The following ANXA13 variants were observed in gnomAD, a reference collection of about 807,000 sequenced individuals.
ANXA13 encodes the protein annexin A13.
Under a neutral mutation model 46.6 loss-of-function variants are expected in ANXA13, and 36 were observed. That is an observed-to-expected ratio of 0.77 (90% CI 0.59 to 1.02). The LOEUF (loss-of-function observed/expected upper bound fraction) is 1.02, where lower values mean the gene tolerates loss of function less well. Among genes scored for constraint, ANXA13 ranks in the 50% least tolerant of loss-of-function variants. The pLI is 0.00. For missense variants in ANXA13, 417 were observed against 396.5 expected (o/e 1.05, Z -0.44); for synonymous variants, 163 against 152.9 (o/e 1.07, Z -0.49).
intron 1 of ANXA13, chr8:123,728,649 T>A (rs1814049184): frequency 6.6e-6 from 1 of 152,178 alleles, no homozygotes; most frequent in Admixed American, 6.5e-5. Flanking sequence ...TGTAGCAGGA[T>A]GCAGTCAACA....
chr8:123,724,140 A>G (rs117294921), intron 1 of ANXA13, among the ~76,000 whole-genome samples: 710 of 152,318 alleles, frequency 4.7e-3, no homozygotes, highest in Non-Finnish European at 7.1e-3. Context: ...AAATTTAACC[A>G]AGGTGTCTGG....
At chr8:123,702,821 A>C in intron 2 of ANXA13, 85 bp from the exon 3 acceptor site, 1 of 1,255,392 alleles carries the variant, frequency 8.0e-7, no homozygotes, top group Non-Finnish European at 1.2e-6. Flanking sequence ...GGAAGCCAGG[A>C]CTCACAGCTT....
At position 123,696,919 on chromosome 8, in the gene ANXA13, A is replaced by T. The variant is rs549978205; in HGVS notation, c.358-1198T>A. On this transcript the variant is annotated intron_variant, in intron 4 of 10. Coordinates refer to ENST00000419625, the MANE Select transcript of ANXA13 (RefSeq NM_004306.4). ...TGAGATTAGAAAAATATATATGAATATATTTTTTGAGACGAAGTCTCGCTC... is the reference window on the plus strand; with the variant it reads ...TGAGATTAGAAAAATATATATGAATTTATTTTTTGAGACGAAGTCTCGCTC... Among the ~76,000 whole-genome samples, 48 of 152,272 alleles carry T rather than the reference A, an allele frequency of 3.2e-4. No homozygotes were observed. In the South Asian group the frequency reaches 4.1e-3, roughly 13 times the overall value.
intron 1 of ANXA13, among the ~76,000 whole-genome samples, chr8:123,730,292 G>A (rs552175119): frequency 2.6e-5 from 4 of 152,270 alleles, no homozygotes; most frequent in East Asian, 3.9e-4. Context: ...CTATGCCTAA[G>A]GCAGCAGTTC....
chr8:123,722,384 AAGAAAG>A (rs1217091797), intron 1 of ANXA13, among the ~76,000 whole-genome samples: 6 of 149,428 alleles, frequency 4.0e-5, no homozygotes, highest in Non-Finnish European at 6.0e-5. Flanking sequence ...GAAAGAAAGA[AAGAAAG>A]AAAGAAAAGC....
At chr8:123,693,879 TTCTC>T (rs1454691052) in intron 6 of ANXA13, 100 bp from the exon 7 acceptor site, 17 of 1,073,462 alleles carry the variant, frequency 1.6e-5, no homozygotes, top group Non-Finnish European at 2.3e-5. Context: ...GGTGAATTCT[TTCTC>T]AGCTCAGCTC....
chr8:123,687,301 C>T (rs1813158117), intron 9 of ANXA13, among the ~76,000 whole-genome samples: 1 of 152,134 alleles, frequency 6.6e-6, no homozygotes, highest in Non-Finnish European at 1.5e-5. Context: ...GTGAGTAGAT[C>T]CTATTATCTA....
At chr8:123,714,181 C>G (rs1188363017) in intron 1 of ANXA13, among the ~76,000 whole-genome samples, 2 of 152,206 alleles carry the variant, frequency 1.3e-5, no homozygotes, top group African/African-American at 4.8e-5. Context: ...TTCCCCTTCC[C>G]CCATTGTGTG....
At chr8:123,735,613 G>T in intron 1 of ANXA13, 1 of 1,106,346 alleles carries the variant, frequency 9.0e-7, no homozygotes, top group Admixed American at 2.8e-5. Context: ...TGCAGGGAAA[G>T]ATTTCCCTGC....
At chr8:123,711,170 C>T (rs144504614) in intron 2 of ANXA13, among the ~76,000 whole-genome samples, 4 of 152,330 alleles carry the variant, frequency 2.6e-5, no homozygotes, top group Admixed American at 2.0e-4. Flanking sequence ...GCCCCATACT[C>T]CATTGTCAAA....
At chr8:123,693,104 C>T (rs761507663) in intron 8 of ANXA13, 93 bp downstream of exon 8, 4 of 1,074,940 alleles carry the variant, frequency 3.7e-6, no homozygotes. Flanking sequence ...TGTAAAGGAT[C>T]CCCAATTCCT....
intron 1 of ANXA13, chr8:123,729,385 C>T (rs1190033115): frequency 1.2e-4 from 18 of 152,206 alleles, no homozygotes; most frequent in Admixed American, 1.2e-3. Context: ...TGTTCAGCCT[C>T]AGGGATGAAT....
At chr8:123,734,895 G>A (rs1225755502) in intron 1 of ANXA13, among the ~76,000 whole-genome samples, 2 of 151,568 alleles carry the variant, frequency 1.3e-5, no homozygotes, top group African/African-American at 2.4e-5. Flanking sequence ...GGCTAATGAT[G>A]AAAGAAGAGT....
intron 1 of ANXA13, among the ~76,000 whole-genome samples, chr8:123,716,690 G>C (rs1406392358): frequency 6.6e-6 from 1 of 152,126 alleles, no homozygotes; most frequent in African/African-American, 2.4e-5. Flanking sequence ...TGGAACGGGT[G>C]TCCTATGGCT....
intron 7 of ANXA13, 118 bp downstream of exon 7, chr8:123,693,593 T>C (rs892973133): frequency 7.9e-5 from 69 of 871,760 alleles, no homozygotes; most frequent in Non-Finnish European, 1.1e-4. Context: ...GATCTAAGCA[T>C]ATCTTTGTTT....
At chr8:123,720,876 C>G (rs368898507) in intron 1 of ANXA13, among the ~76,000 whole-genome samples, 1 of 152,190 alleles carries the variant, frequency 6.6e-6, no homozygotes, top group African/African-American at 2.4e-5. Flanking sequence ...ATTAGGATTA[C>G]AGGCATGAGC....
chr8:123,722,012 T>C (rs1202119931), intron 1 of ANXA13, among the ~76,000 whole-genome samples: 1 of 152,112 alleles, frequency 6.6e-6, no homozygotes, highest in East Asian at 1.9e-4. Flanking sequence ...AATTTAATAA[T>C]AGAAAAGCTG....
At chr8:123,696,557 CA>C (rs111863520) in intron 4 of ANXA13, among the ~76,000 whole-genome samples, 95,663 of 151,446 alleles carry the variant, frequency 0.63, 31,978 homozygotes, top group South Asian at 0.75. Flanking sequence ...CCTGCTCCCC[CA>C]CCCCCCCCAC....
intron 6 of ANXA13, among the ~76,000 whole-genome samples, chr8:123,694,749 G>A (rs1813299289): frequency 6.6e-6 from 1 of 152,162 alleles, no homozygotes. Context: ...ATACTACTTG[G>A]ACTCCTGACC....
Sources: allele counts gnomAD v4.1 joint callset (sites outside exome capture counted in the v4.1 genomes callset), GRCh38; gene constraint gnomAD v4.1.1; transcripts MANE v1.5; gene names NCBI Gene and HGNC (gene_info 2026-07-23, HGNC 2026-07-21).